Variants in UBAC2 observed in about 807,000 individuals in gnomAD.
UBAC2 encodes ubiquitin-associated domain-containing protein 2.
In UBAC2, 26 loss-of-function variants were observed where a neutral mutation model predicts 44.0. The observed-to-expected ratio is 0.59, with a 90% CI of 0.43 to 0.82. The LOEUF (loss-of-function observed/expected upper bound fraction) is 0.82, where lower values mean the gene tolerates loss of function less well. Among genes scored for constraint, UBAC2 ranks in the 40% least tolerant of loss-of-function variants. The pLI is 0.00. For missense variants in UBAC2, 329 were observed against 419.4 expected, an observed-to-expected ratio of 0.78 and a Z score of 1.88; for synonymous variants, 155 against 154.3, an observed-to-expected ratio of 1.00 and a Z score of -0.04.
chr13:99,224,207 T>C (rs1204970727), intron 1 of UBAC2, among the ~76,000 whole-genome samples: 2 of 152,184 alleles, frequency 1.3e-5, no homozygotes, highest in Non-Finnish European at 2.9e-5. Flanking sequence ...TCTAGCTGTG[T>C]CATCACATGG....
At chr13:99,305,716 A>C (rs1345863547) in intron 4 of UBAC2, among the ~76,000 whole-genome samples, 3 of 152,224 alleles carry the variant, frequency 2.0e-5, no homozygotes, top group Non-Finnish European at 4.4e-5. Flanking sequence ...ATTGTCACTA[A>C]CGCGATACAT....
intron 7 of UBAC2, among the ~76,000 whole-genome samples, chr13:99,342,845 G>T (rs1226482614): frequency 6.6e-6 from 1 of 152,238 alleles, no homozygotes; most frequent in Non-Finnish European, 1.5e-5. Flanking sequence ...ACACAGAGTT[G>T]ATGACCAAAT....
chr13:99,308,930 A>C (rs1594112614), intron 4 of UBAC2: 1 of 152,222 alleles, frequency 6.6e-6, no homozygotes, highest in African/African-American at 2.4e-5. Context: ...AGTTCATTTA[A>C]AACTTAGGCT....
chr13:99,243,735 A>T, intron 2 of UBAC2, 97 bp from the exon 3 acceptor site: 1 of 1,098,332 alleles, frequency 9.1e-7, no homozygotes, highest in Non-Finnish European at 1.3e-6. Context: ...TGTTTAGGAC[A>T]TTAAAAATAG....
At chr13:99,241,198 G>A (rs2043295005) in intron 2 of UBAC2, among the ~76,000 whole-genome samples, 1 of 150,786 alleles carries the variant, frequency 6.6e-6, no homozygotes, top group South Asian at 2.1e-4. Flanking sequence ...TCAGAGGGTT[G>A]AGCCTGCAGT....
At chr13:99,229,551 G>A (rs1463291842) in intron 1 of UBAC2, among the ~76,000 whole-genome samples, 4 of 152,214 alleles carry the variant, frequency 2.6e-5, no homozygotes, top group Admixed American at 2.6e-4. Flanking sequence ...TGAGCTTGAA[G>A]GTCATACCAA....
chr13:99,348,407 T>C (rs1216298124), intron 7 of UBAC2, among the ~76,000 whole-genome samples: 1 of 152,042 alleles, frequency 6.6e-6, no homozygotes, highest in Non-Finnish European at 1.5e-5. Flanking sequence ...AGGGTAATCT[T>C]GAGGCCAGCA....
chr13:99,371,310 A>G (rs1593980916), intron 8 of UBAC2, among the ~76,000 whole-genome samples: 2 of 152,354 alleles, frequency 1.3e-5, no homozygotes, highest in Admixed American at 6.5e-5. Context: ...TGTTTTTAAC[A>G]TACACTTTCT....
intron 6 of UBAC2, among the ~76,000 whole-genome samples, chr13:99,331,374 G>A (rs1040870894): frequency 6.6e-6 from 1 of 152,210 alleles, no homozygotes; most frequent in African/African-American, 2.4e-5. Flanking sequence ...TCCTCCTGAT[G>A]CATGATTTCC....
At chr13:99,378,170 A>G (rs551664225) in intron 8 of UBAC2, among the ~76,000 whole-genome samples, 64 of 152,304 alleles carry the variant, frequency 4.2e-4, no homozygotes, top group African/African-American at 1.4e-3. Flanking sequence ...ACTCAGAACC[A>G]TCTCAGCTAT....
At chr13:99,289,949 C>T (rs574664147) in intron 4 of UBAC2, among the ~76,000 whole-genome samples, 1 of 152,344 alleles carries the variant, frequency 6.6e-6, no homozygotes, top group East Asian at 1.9e-4. Context: ...TCTTCCTCCC[C>T]ACCCCCAAGG....
chr13:99,289,188 G>C (rs1294174621), intron 4 of UBAC2, among the ~76,000 whole-genome samples: 1 of 152,166 alleles, frequency 6.6e-6, no homozygotes, highest in Admixed American at 6.5e-5. Flanking sequence ...TTCTTCCTTT[G>C]TTGTAAGATC....
chr13:99,322,894 G>A (rs1411999861), intron 6 of UBAC2, among the ~76,000 whole-genome samples: 1 of 152,174 alleles, frequency 6.6e-6, no homozygotes, highest in Non-Finnish European at 1.5e-5. Flanking sequence ...GCGCATTTGC[G>A]GGCTGTGATT....
chr13:99,282,109 T>C (rs1406810803), intron 4 of UBAC2, among the ~76,000 whole-genome samples: 3 of 152,182 alleles, frequency 2.0e-5, no homozygotes, highest in African/African-American at 7.2e-5. Flanking sequence ...CACTGCAGGG[T>C]GGCTGGCAGC....
intron 4 of UBAC2, among the ~76,000 whole-genome samples, chr13:99,247,663 C>T (rs1022821078): frequency 6.6e-6 from 1 of 152,010 alleles, no homozygotes; most frequent in Non-Finnish European, 1.5e-5. Flanking sequence ...GATGATGGGT[C>T]GATACGTGCA....
intron 7 of UBAC2, 80 bp downstream of exon 7, chr13:99,340,645 A>G (rs770111844): frequency 1.1e-4 from 157 of 1,462,930 alleles, no homozygotes; most frequent in Non-Finnish European, 1.4e-4. Flanking sequence ...TGCATGTGAG[A>G]TAGAGACTAC....
intron 6 of UBAC2, among the ~76,000 whole-genome samples, chr13:99,322,151 AC>A (rs1322448114): frequency 6.6e-6 from 1 of 152,230 alleles, no homozygotes; most frequent in African/African-American, 2.4e-5. Flanking sequence ...CATTTCAGTG[AC>A]CGTATCAACT....
chr13:99,384,205 G>C (rs2045589013), intron 8 of UBAC2, among the ~76,000 whole-genome samples: 1 of 152,114 alleles, frequency 6.6e-6, no homozygotes, highest in Non-Finnish European at 1.5e-5. Context: ...TGGAAACTCT[G>C]ACTAAGTCCT....
In UBAC2 at chr13:99,385,697, C is replaced by T. The variant is rs1439929107; in HGVS notation, c.*362C>T. On this transcript the variant is annotated 3_prime_UTR_variant, in exon 9 of 9. Coordinates refer to ENST00000403766, the MANE Select transcript of UBAC2 (RefSeq NM_001144072.2). ...ACCCTCTTACTGTAACATGTCATCT[C>T]CTGCGTCGTGATGGGGAGAGGGTAA... 2 of 219,976 alleles carry T rather than the reference C, an allele frequency of 9.1e-6. No homozygotes were observed. Among genetic ancestry groups the T allele is most frequent in the African/African-American group, 4.5e-5 (2 of 44,896 alleles). The allele number at this position is 219,976 out of a possible 1,614,324, so 13.6% of individuals were successfully genotyped here.
Sources: gnomAD v4.1 joint callset for allele counts (sites outside exome capture counted in the v4.1 genomes callset) on GRCh38, gnomAD v4.1.1 for gene constraint, MANE v1.5 for transcripts, NCBI Gene and HGNC (gene_info 2026-07-23, HGNC 2026-07-21) for gene names.